Variants in BPIFB1 observed in about 807,000 individuals in gnomAD.
BPIFB1 encodes the protein BPI fold-containing family B member 1.
In BPIFB1, 34 loss-of-function variants were observed where a neutral mutation model predicts 55.1. That is an observed-to-expected ratio of 0.62 (90% CI 0.47 to 0.82). BPIFB1 has a LOEUF of 0.82. Ranked by LOEUF, BPIFB1 falls within the 40% of genes least tolerant of loss-of-function variation. The pLI, the probability that BPIFB1 is intolerant of heterozygous loss-of-function variation, is 0.00. For synonymous variants in BPIFB1, 236 were observed against 245.3 expected, an observed-to-expected ratio of 0.96 and a Z score of 0.35; for missense variants, 532 against 593.1, an observed-to-expected ratio of 0.90 and a Z score of 1.07.
chr20:33,290,993 G>T lies in BPIFB1; in HGVS notation c.402G>T (p.Thr134=), dbSNP rs140657571. 6.2e-7 allele frequency: 1 copy of T among 1,613,834 alleles called. No individual in the cohort carries two copies. Residue 134 remains threonine (T), a synonymous_variant, in exon 5 of 16, where the codon ACG becomes ACT. Transcript: ENST00000253354. ...AGACCATCGTGGAGTTCCACATGAC[G>T]ACTGAGGCCCAAGCCACCATCCGCA... ...LVKTIVEFHM[T]TEAQATIRMD...
intron 3 of BPIFB1, among the ~76,000 whole-genome samples, 188 bp from the exon 4 acceptor site, chr20:33,289,697 A>G (rs1010867434): frequency 5.3e-5 from 8 of 152,194 alleles, no homozygotes; most frequent in Admixed American, 5.2e-4. Flanking sequence ...AGAAGGCACC[A>G]TAATAGCATT....
chr20:33,295,444 A>G (rs1980605767), intron 6 of BPIFB1, among the ~76,000 whole-genome samples: 1 of 151,886 alleles, frequency 6.6e-6, no homozygotes. Flanking sequence ...CATCTCTACT[A>G]AAAATACAAA....
rs781028806 is a variant in BPIFB1 at position 33,301,308 on chromosome 20, C to A, written c.823C>A (p.Leu275Met). The A allele has an allele frequency of 1.9e-6, 3 of 1,614,252 alleles. No individual in the cohort carries two copies. The Admixed American group carries it at 5.0e-5, about 27-fold the overall frequency. The change falls in exon 9 of 16, where the codon CTG becomes ATG. Residue 275 changes from leucine (L) to methionine (M), a missense_variant. By Grantham distance (15) the Leu-to-Met change is conservative. Transcript: ENST00000253354. ...TGCAGCTTCCCTGACAATGCCCACC[C>A]TGGACAACATCCCGTTCAGCCTCAT... ...NSAASLTMPT[L>M]DNIPFSLIVS...
chr20:33,307,642 A>T (rs1340658619), intron 15 of BPIFB1: 1 of 152,486 alleles, frequency 6.6e-6, no homozygotes, highest in East Asian at 1.9e-4. Context: ...GGCTGGGCTC[A>T]GTGGCTTGTG....
At chr20:33,298,850 T>C (rs763859833) in intron 7 of BPIFB1, 1 of 199,192 alleles carries the variant, frequency 5.0e-6, no homozygotes, top group Non-Finnish European at 9.4e-6. Context: ...ATTTGGTCAG[T>C]ATTCAGAGTA....
Position 33,309,807 on chromosome 20 carries a change from C to A in BPIFB1, c.*40C>A. ...GCCATCAGGGAAGGCTGGGTCCCAG[C>A]TGGGAGTATGGGTGTGAGCTCTATA... On this transcript the variant is annotated 3_prime_UTR_variant, in exon 16 of 16. Coordinates refer to ENST00000253354, the MANE Select transcript of BPIFB1 (RefSeq NM_033197.3). This position sits in a 1 kb window ranked among gnomAD's most constrained non-coding sequence, Gnocchi z 4.4. 1 of 1,570,232 alleles carries A rather than the reference C, an allele frequency of 6.4e-7. No individual in the cohort carries two copies. The highest frequency in any genetic ancestry group is 8.8e-7 in the Non-Finnish European group (1 of 1,140,760).
chr20:33,293,892 T>G (rs1258841017), intron 6 of BPIFB1, among the ~76,000 whole-genome samples: 1 of 152,240 alleles, frequency 6.6e-6, no homozygotes, highest in Non-Finnish European at 1.5e-5. Context: ...GTGATTCTTA[T>G]TAAGAGTACT....
intron 5 of BPIFB1, 33 bp downstream of exon 5, chr20:33,291,139 T>C (rs897396731): frequency 1.2e-6 from 2 of 1,603,846 alleles, no homozygotes; most frequent in African/African-American, 2.7e-5. Flanking sequence ...CGGGCTCCCA[T>C]CCTGCCTGGA....
At chr20:33,305,931 C>A in intron 13 of BPIFB1, 71 bp from the exon 14 acceptor site, 2 of 1,544,194 alleles carry the variant, frequency 1.3e-6, no homozygotes, top group Admixed American at 1.7e-5. Context: ...AGGAGCCACA[C>A]CCACGAAGAA....
intron 7 of BPIFB1, among the ~76,000 whole-genome samples, 161 bp from the exon 8 acceptor site, chr20:33,299,738 G>T (rs1365485936): frequency 1.3e-5 from 2 of 152,132 alleles, no homozygotes; most frequent in African/African-American, 4.8e-5. Flanking sequence ...AAATGTCACT[G>T]TCATCACTGT....
chr20:33,305,238 G>A (rs1029438219), intron 13 of BPIFB1, among the ~76,000 whole-genome samples: 4 of 152,002 alleles, frequency 2.6e-5, no homozygotes, highest in African/African-American at 7.3e-5. Context: ...CTTTCCTGCT[G>A]GGATTCAGAC....
Position 33,303,075 on chromosome 20 carries a change from G to T in BPIFB1, c.1140+1G>T. 1 of 1,613,428 alleles carries T rather than the reference G, an allele frequency of 6.2e-7. No individual in the cohort carries two copies. The highest frequency in any genetic ancestry group is 8.5e-7 in the Non-Finnish European group (1 of 1,179,982). Reference sequence around the variant, plus strand: ...CCGCCCTTTGTTCACCCTGGGCATCGTGAGTTCAGTTGTCTGCGATATTGG... The same window carrying T: ...CCGCCCTTTGTTCACCCTGGGCATCTTGAGTTCAGTTGTCTGCGATATTGG... On this transcript the variant is annotated splice_donor_variant, in intron 11 of 15. Transcript: ENST00000253354. LOFTEE classifies it high-confidence loss of function.
intron 7 of BPIFB1, chr20:33,299,190 G>C (rs186817114): frequency 1.5e-4 from 69 of 456,558 alleles, no homozygotes; most frequent in African/African-American, 1.1e-3. Context: ...TGGCTCCTCC[G>C]CTGCCCCGAG....
chr20:33,295,872 G>GA (rs1258117098), intron 6 of BPIFB1, among the ~76,000 whole-genome samples: 2 of 136,596 alleles, frequency 1.5e-5, no homozygotes. Flanking sequence ...GAAGGAAGGG[G>GA]ATTGGGAAGG....
At chr20:33,307,386 TGTA>T (rs1981066921) in intron 15 of BPIFB1, 1 of 178,050 alleles carries the variant, frequency 5.6e-6, no homozygotes, top group African/African-American at 2.4e-5. Context: ...GCCCTAAAGA[TGTA>T]ACATCAGGCT....
Position 33,290,982 on chromosome 20 carries a change from T to A in BPIFB1, c.391T>A (p.Phe131Ile), listed in dbSNP as rs752965270. ...GCCCCTGGTCAAGACCATCGTGGAG[T>A]TCCACATGACGACTGAGGCCCAAGC... The part of the protein sequence containing the change: ...NTPLVKTIVE[F>I]HMTTEAQATI... Residue 131 changes from phenylalanine (F) to isoleucine (I), a missense_variant, in exon 5 of 16, where the codon TTC becomes ATC. Coordinates refer to ENST00000253354, the MANE Select transcript of BPIFB1 (RefSeq NM_033197.3). The A allele has an allele frequency of 1.9e-6, 3 of 1,613,626 alleles. No homozygotes were observed. The East Asian group carries it at 6.7e-5, about 36-fold the overall frequency.
At chr20:33,304,614 G>A (rs1310347951) in intron 12 of BPIFB1, among the ~76,000 whole-genome samples, 2 of 152,178 alleles carry the variant, frequency 1.3e-5, no homozygotes, top group African/African-American at 2.4e-5. Flanking sequence ...TGACTCCTGA[G>A]GTTGATTTTT....
At chr20:33,296,449 T>C (rs547847681) in intron 6 of BPIFB1, among the ~76,000 whole-genome samples, 2 of 152,294 alleles carry the variant, frequency 1.3e-5, no homozygotes, top group South Asian at 4.1e-4. Context: ...TCCTCAATAA[T>C]CTTGGAGCAC....
chr20:33,303,968 C>G lies in BPIFB1; in HGVS notation c.1151C>G (p.Ser384Trp). The G allele has an allele frequency of 6.2e-7, 1 of 1,613,900 alleles. No homozygotes were observed. The highest frequency in any genetic ancestry group is 8.5e-7 in the Non-Finnish European group (1 of 1,179,954). The change falls in exon 12 of 16, where the codon TCG becomes TGG. Residue 384 changes from serine to tryptophan, a missense_variant. Transcript: ENST00000253354. ...PLFTLGIEAS[S>W]EAQFYTKGDQ... ...CTTCTCTTGTTGCAGGAAGCCAGCTCGGAAGCTCAGTTTTACACCAAAGGT... is the reference window on the plus strand; with the variant it reads ...CTTCTCTTGTTGCAGGAAGCCAGCTGGGAAGCTCAGTTTTACACCAAAGGT...
Sources: gnomAD v4.1 joint callset for allele counts (sites outside exome capture counted in the v4.1 genomes callset) on GRCh38, gnomAD v4.1.1 for gene constraint, Gnocchi (gnomAD v3.1) non-coding constraint, MANE v1.5 for transcripts, NCBI Gene and HGNC (gene_info 2026-07-23, HGNC 2026-07-21) for gene names.